The following SPOP variants were observed in gnomAD, a reference collection of about 807,000 sequenced individuals.
SPOP encodes the protein speckle type BTB/POZ protein.
SPOP carries 11 observed loss-of-function variants against 45.6 expected under a neutral mutation model. That is an observed-to-expected ratio of 0.24 (90% CI 0.15 to 0.40). SPOP has a LOEUF of 0.40. SPOP is among the 10% of genes least tolerant of loss of function. The pLI is 1.00. For synonymous variants in SPOP, 166 were observed against 166.3 expected, an observed-to-expected ratio of 1.00 and a Z score of 0.01; for missense variants, 152 against 465.6, an observed-to-expected ratio of 0.33 and a Z score of 6.20.
intron 1 of SPOP, among the ~76,000 whole-genome samples, chr17:49,626,090 C>T (rs2072325096): frequency 6.6e-6 from 1 of 152,054 alleles, no homozygotes; most frequent in Non-Finnish European, 1.5e-5. Context: ...GAGAAATTTC[C>T]TGAACACCTA....
intron 3 of SPOP, among the ~76,000 whole-genome samples, chr17:49,621,135 T>C (rs1047136085): frequency 2.0e-5 from 3 of 152,234 alleles, no homozygotes; most frequent in Admixed American, 2.0e-4. Flanking sequence ...TGAATGAGAC[T>C]GATCCTCACT....
intron 1 of SPOP, among the ~76,000 whole-genome samples, chr17:49,628,060 T>A (rs895672788): frequency 6.6e-6 from 1 of 152,136 alleles, no homozygotes; most frequent in African/African-American, 2.4e-5. Flanking sequence ...CAGAAAAAAA[T>A]TTTAGAAAAG....
chr17:49,671,112 T>C (rs2073130390), intron 1 of SPOP, among the ~76,000 whole-genome samples: 1 of 152,094 alleles, frequency 6.6e-6, no homozygotes, highest in Non-Finnish European at 1.5e-5. Context: ...TCTTCAGAGA[T>C]ACTGCCTTTC....
Position 49,607,277 on chromosome 17 carries a change from A to T in SPOP, c.810T>A (p.Ala270=), listed in dbSNP as rs776546524. The T allele has an allele frequency of 2.5e-6, 4 of 1,614,144 alleles. No individual in the cohort carries two copies. The highest frequency in any genetic ancestry group is 3.4e-6 in the Non-Finnish European group (4 of 1,180,002). ...TGKAPNLDKM[A]DDLLAAADKY... Reference sequence around the variant, plus strand: ...TGTCAGCAGCTGCCAGCAAATCATCAGCCATTTTGTCGAGGTTTGGAGCCT... The same window carrying T: ...TGTCAGCAGCTGCCAGCAAATCATCTGCCATTTTGTCGAGGTTTGGAGCCT... Residue 270 remains alanine (A), a synonymous_variant, in exon 8 of 10, where the codon GCT becomes GCA. Transcript: ENST00000504102.
intron 1 of SPOP, among the ~76,000 whole-genome samples, chr17:49,657,321 A>G (rs977674414): frequency 2.6e-5 from 4 of 152,262 alleles, no homozygotes; most frequent in African/African-American, 9.6e-5. Context: ...ATTGTACAGC[A>G]ATTCTACTTC....
chr17:49,668,570 G>A (rs529621108), intron 1 of SPOP, among the ~76,000 whole-genome samples: 1 of 152,154 alleles, frequency 6.6e-6, no homozygotes, highest in African/African-American at 2.4e-5. Flanking sequence ...AGTACACTAA[G>A]GCTTTGCTAT....
In SPOP at chr17:49,607,240, C is replaced by T; in HGVS notation, c.837+10G>A. 1 of 1,613,976 alleles carries T rather than the reference C, an allele frequency of 6.2e-7. No homozygotes were observed. Among genetic ancestry groups the T allele is most frequent in the Non-Finnish European group, 8.5e-7 (1 of 1,179,956 alleles). ...TCCTAGTCCTGATTATTTTTCTATT[C>T]TTATCTTACCTTGTCAGCAGCTGCC... On this transcript the variant is annotated intron_variant, in intron 8 of 9. Transcript: ENST00000504102.
chr17:49,629,112 C>T (rs939871421), intron 1 of SPOP, among the ~76,000 whole-genome samples: 1 of 152,062 alleles, frequency 6.6e-6, no homozygotes, highest in East Asian at 1.9e-4. Flanking sequence ...CGTGGTGGCA[C>T]GTGCCTATAA....
intron 1 of SPOP, among the ~76,000 whole-genome samples, chr17:49,652,084 G>C (rs968282667): frequency 6.6e-6 from 1 of 152,002 alleles, no homozygotes; most frequent in African/African-American, 2.4e-5. Context: ...TCCCTAACCT[G>C]AAAATCTGAA....
At position 49,632,583 on chromosome 17, in the gene SPOP, C is replaced by A. The variant is rs536212148; in HGVS notation, c.-66-9707G>T. Among the ~76,000 whole-genome samples the A allele has an allele frequency of 1.5e-3, 221 of 152,162 alleles. 1 individual carries two copies. Among genetic ancestry groups the A allele is most frequent in the African/African-American group, 5.1e-3 (211 of 41,516 alleles). On this transcript the variant is annotated intron_variant, in intron 1 of 9. Coordinates refer to ENST00000504102, the MANE Select transcript of SPOP (RefSeq NM_001007228.2). ...TCTCGGCTCACTGCAACCTCCACCTCCCGGGTTCAAGCAATTCTCCCGCCT... is the reference window on the plus strand; with the variant it reads ...TCTCGGCTCACTGCAACCTCCACCTACCGGGTTCAAGCAATTCTCCCGCCT...
intron 1 of SPOP, among the ~76,000 whole-genome samples, chr17:49,656,186 A>G (rs2072911029): frequency 6.6e-6 from 1 of 152,212 alleles, no homozygotes; most frequent in Non-Finnish European, 1.5e-5. Context: ...GAACTCTTTG[A>G]TATTACAAAA....
chr17:49,657,644 G>A (rs931730745), intron 1 of SPOP, among the ~76,000 whole-genome samples: 2 of 148,094 alleles, frequency 1.4e-5, no homozygotes, highest in Non-Finnish European at 3.0e-5. Context: ...TGATCCACTC[G>A]CCTCGGCCTC....
chr17:49,642,226 A>G (rs1190504955), intron 1 of SPOP, among the ~76,000 whole-genome samples: 1 of 152,090 alleles, frequency 6.6e-6, no homozygotes, highest in African/African-American at 2.4e-5. Flanking sequence ...TTACTTTTAT[A>G]GTCAGAAAAA....
At chr17:49,628,219 A>G (rs1314733207) in intron 1 of SPOP, among the ~76,000 whole-genome samples, 2 of 152,234 alleles carry the variant, frequency 1.3e-5, no homozygotes, top group African/African-American at 2.4e-5. Flanking sequence ...CAAACTTTCT[A>G]GTACGCTCAA....
At chr17:49,628,060 T>C (rs895672788) in intron 1 of SPOP, among the ~76,000 whole-genome samples, 2 of 152,136 alleles carry the variant, frequency 1.3e-5, no homozygotes, top group African/African-American at 4.8e-5. Flanking sequence ...CAGAAAAAAA[T>C]TTTAGAAAAG....
Position 49,622,727 on chromosome 17 carries a change from A to G in SPOP, c.78+6T>C, listed in dbSNP as rs757610215. The G allele has an allele frequency of 1.4e-5, 22 of 1,613,556 alleles. No homozygotes were observed. Among genetic ancestry groups the G allele is most frequent in the East Asian group, 6.7e-5 (3 of 44,878 alleles). ...CAAGATTCACAGGCTGAAAACTTCA[A>G]CTTACCTGTGTGTAGCACCAACTCT... On this transcript the variant is annotated splice_donor_region_variant and intron_variant, in intron 2 of 9. Transcript: ENST00000504102.
intron 1 of SPOP, among the ~76,000 whole-genome samples, chr17:49,674,252 C>G (rs2073172541): frequency 6.6e-6 from 1 of 152,192 alleles, no homozygotes; most frequent in Non-Finnish European, 1.5e-5. Context: ...TTCTCTTCAA[C>G]TTTTTAGAAT....
chr17:49,621,879 T>G, intron 3 of SPOP, 67 bp downstream of exon 3: 1 of 1,543,996 alleles, frequency 6.5e-7, no homozygotes, highest in Non-Finnish European at 8.9e-7. Flanking sequence ...CTTGTCAGTG[T>G]CCCATAAAAC....
In SPOP at chr17:49,619,520, A is replaced by T. The variant is rs968817368; in HGVS notation, c.201-135T>A. 4.0e-6 allele frequency: 4 copies of T among 1,004,698 alleles called. No homozygotes were observed. Among genetic ancestry groups the T allele is most frequent in the Admixed American group, 2.9e-5 (1 of 34,428 alleles). The allele number at this position is 1,004,698 out of a possible 1,614,324, so 62.2% of individuals were successfully genotyped here. A position where few individuals can be genotyped will look rare whatever the true frequency, so the allele number is the denominator to read the frequency against. On this transcript the variant is annotated intron_variant, in intron 3 of 9. Coordinates refer to ENST00000504102, the MANE Select transcript of SPOP (RefSeq NM_001007228.2). This position sits in a 1 kb window ranked among gnomAD's most constrained non-coding sequence, Gnocchi z 4.9. ...AAGAATATAATTCAGTAGAATGACT[A>T]GTTGGGAACAACTTTTTTCTCTTTT...
Sources: gnomAD v4.1 joint callset for allele counts (sites outside exome capture counted in the v4.1 genomes callset) on GRCh38, gnomAD v4.1.1 for gene constraint, Gnocchi (gnomAD v3.1) non-coding constraint, MANE v1.5 for transcripts, NCBI Gene and HGNC (gene_info 2026-07-23, HGNC 2026-07-21) for gene names.